CAMTA2: variants seen among roughly 807,000 people sequenced by gnomAD.
CAMTA2 encodes the protein calmodulin-binding transcription activator 2.
Under a neutral mutation model 135.7 loss-of-function variants are expected in CAMTA2, and 56 were observed. The observed-to-expected ratio is 0.41, with a 90% CI of 0.33 to 0.52. The LOEUF (loss-of-function observed/expected upper bound fraction) is 0.52, where lower values mean the gene tolerates loss of function less well. CAMTA2 is among the 20% of genes least tolerant of loss of function. The pLI, the probability that CAMTA2 is intolerant of heterozygous loss-of-function variation, is 0.16. For synonymous variants in CAMTA2, 591 were observed against 604.6 expected (o/e 0.98, Z 0.33); for missense variants, 1,358 against 1,553.4 (o/e 0.87, Z 2.11).
chr17:4,974,566 G>A (rs1021212652), intron 11 of CAMTA2, 66 bp from the exon 12 acceptor site: 15 of 927,626 alleles, frequency 1.6e-5, no homozygotes, highest in Non-Finnish European at 2.3e-5. Context: ...ACCAAAAGTA[G>A]ACCTGTCCCA....
chr17:4,987,003 A>G, intron 1 of CAMTA2: 1 of 1,455,692 alleles, frequency 6.9e-7, no homozygotes, highest in Non-Finnish European at 9.0e-7. Context: ...TCCTCGGGGA[A>G]CAGATGGGAG....
Position 4,972,438 on chromosome 17 carries a change from G to A in CAMTA2, c.2602C>T (p.Pro868Ser). The change falls in exon 16 of 23, where the codon CCT becomes TCT. Residue 868 changes from proline (P) to serine (S), a missense_variant. Pro to Ser is a moderately conservative substitution (Grantham distance 74). Transcript: ENST00000348066. The stretch of plus-strand genomic sequence containing the variant: ...ATAGTCATCTCAGAGGCTGGCAGAG[G>A]TGCAGGGGGGGGACTGCCATCTGGG... ...SAPDGSPPPA[P>S]LPASEMTMED... The A allele has an allele frequency of 6.2e-7, 1 of 1,613,940 alleles. No homozygotes were observed.
intron 1 of CAMTA2, chr17:4,987,096 T>C: frequency 1.5e-6 from 2 of 1,378,820 alleles, no homozygotes; most frequent in Non-Finnish European, 1.9e-6. Flanking sequence ...CTATGTGCAG[T>C]GAAGCTGGGG....
rs1401432189 is a variant in CAMTA2, at chr17:4,972,921, C to G, written c.2351G>C (p.Ser784Thr). 1.2e-6 allele frequency: 2 copies of G among 1,613,848 alleles called. No homozygotes were observed. The highest frequency in any genetic ancestry group is 1.7e-6 in the Non-Finnish European group (2 of 1,180,016). Residue 784 changes from serine (S) to threonine (T), a missense_variant, in exon 15 of 23, where the codon AGC (serine) becomes ACC (threonine). Physicochemically the swap from Ser to Thr is moderately conservative, Grantham distance 58 (BLOSUM62 1). Around this residue, in one of 4 missense-constraint regions of CAMTA2, gnomAD observed 1,077 missense variants for 1,127.5 expected, o/e 0.96. Transcript: ENST00000348066. Reference sequence around the variant, plus strand: ...CAGACGGCCCAGAGAGTCGGGAATGCTCAGTGCCTGTCGGTTCCAACGGAA... The same window carrying G: ...CAGACGGCCCAGAGAGTCGGGAATGGTCAGTGCCTGTCGGTTCCAACGGAA... ...LLFRWNRQAL[S>T]IPDSLGRLPL... is the part of the protein sequence containing the mutation.
Position 4,969,677 on chromosome 17 carries a change from C to T in CAMTA2, c.3214G>A (p.Glu1072Lys). 1 of 1,613,966 alleles carries T rather than the reference C, an allele frequency of 6.2e-7. No homozygotes were observed. Reference protein sequence around the residue: ...YKGRRLKEQQEVAAAVIQRCY... With the variant: ...YKGRRLKEQQKVAAAVIQRCY... ...CGCTGGATTACAGCTGCTGCTACCT[C>T]CTGCTGCTCCTTCAGCCGCCGGCCC... Residue 1072 changes from glutamate (E) to lysine (K), a missense_variant, in exon 19 of 23, where the codon GAG becomes AAG. Physicochemically the swap from Glu to Lys is moderately conservative, Grantham distance 56. Transcript: ENST00000348066. This position sits in a 1 kb window ranked among gnomAD's most constrained non-coding sequence, Gnocchi z 5.6.
chr17:4,984,095 C>T (rs528799112), intron 3 of CAMTA2, among the ~76,000 whole-genome samples: 7 of 152,182 alleles, frequency 4.6e-5, no homozygotes, highest in African/African-American at 1.4e-4. Context: ...GGACTACAGG[C>T]GCCCACGACC....
At chr17:4,981,421 T>G in intron 7 of CAMTA2, 62 bp from the exon 8 acceptor site, 2 of 1,589,370 alleles carry the variant, frequency 1.3e-6, no homozygotes, top group Non-Finnish European at 8.6e-7. Flanking sequence ...AGTACCTTGA[T>G]GGCTCCTCCA....
Position 4,979,822 on chromosome 17 carries a change from G to A in CAMTA2, c.1500C>T (p.Pro500=), listed in dbSNP as rs1203251043. 6 of 1,613,992 alleles carry A rather than the reference G, an allele frequency of 3.7e-6. No homozygotes were observed. The highest frequency in any genetic ancestry group is 5.1e-6 in the Non-Finnish European group (6 of 1,179,996). Residue 500 remains proline, a synonymous_variant, in exon 9 of 23, where the codon CCC becomes CCT. Coordinates refer to ENST00000348066, the MANE Select transcript of CAMTA2 (RefSeq NM_015099.4). The part of the protein sequence containing the change: ...GGPVGASELE[P]FSLSSFPDLM... ...GGTCTGGGAATGATGAAAGACTGAAGGGCTCCAGTTCACTGGCCCCAACAG... is the reference window on the plus strand; with the variant it reads ...GGTCTGGGAATGATGAAAGACTGAAAGGCTCCAGTTCACTGGCCCCAACAG...
chr17:4,986,141 G>A (rs1246320335), intron 2 of CAMTA2, 51 bp downstream of exon 2: 2 of 1,186,958 alleles, frequency 1.7e-6, no homozygotes, highest in Non-Finnish European at 2.5e-6. Context: ...ACTAAAGCGT[G>A]GGGAGAACGA....
chr17:4,971,876 A>G (rs1203758552), intron 16 of CAMTA2, among the ~76,000 whole-genome samples: 3 of 151,912 alleles, frequency 2.0e-5, no homozygotes, highest in East Asian at 1.9e-4. Context: ...TCTTGTAGAG[A>G]GGGGGTTTCG....
At chr17:4,981,465 T>C in intron 7 of CAMTA2, 106 bp from the exon 8 acceptor site, 1 of 1,479,060 alleles carries the variant, frequency 6.8e-7, no homozygotes, top group Middle Eastern at 1.9e-4. Context: ...TCTGGCCAGG[T>C]GAACAGAGGC....
chr17:4,973,767 A>C lies in CAMTA2; in HGVS notation c.2019T>G (p.Asp673Glu). ...CQGPDAPPVQ[D>E]EGQGPGFEAR... Reference sequence around the variant, plus strand: ...CTTCGAACCCAGGCCCCTGGCCTTCATCCTGCGATATACACACTCTTAGGC... The same window carrying C: ...CTTCGAACCCAGGCCCCTGGCCTTCCTCCTGCGATATACACACTCTTAGGC... Residue 673 changes from aspartate (D) to glutamate (E), a missense_variant and splice_region_variant, in exon 13 of 23, where the codon GAT (aspartate) becomes GAG (glutamate). Coordinates refer to ENST00000348066, the MANE Select transcript of CAMTA2 (RefSeq NM_015099.4). The C allele has an allele frequency of 6.2e-7, 1 of 1,604,988 alleles. No individual in the cohort carries two copies. Among genetic ancestry groups the C allele is most frequent in the South Asian group, 1.1e-5 (1 of 90,136 alleles).
Position 4,980,628 on chromosome 17 carries a change from T to G in CAMTA2, c.701-7A>C. On this transcript the variant is annotated splice_polypyrimidine_tract_variant and splice_region_variant and intron_variant, in intron 8 of 22. Transcript: ENST00000348066. The surrounding 1 kb of genome is among the most constrained non-coding windows in gnomAD (Gnocchi z 5.3). ...TGGGTAAGGCTCCCAGAACCTGGAG[T>G]GGAGAGGAGTAGGAGGGAGAGGAGA... 6.2e-7 allele frequency: 1 copy of G among 1,610,286 alleles called. No individual in the cohort carries two copies. Among genetic ancestry groups the G allele is most frequent in the South Asian group, 1.1e-5 (1 of 90,942 alleles).
chr17:4,968,077 C>T lies in CAMTA2; in HGVS notation c.*679G>A, dbSNP rs1972022606. 4 of 503,332 alleles carry T rather than the reference C, an allele frequency of 7.9e-6. No individual in the cohort carries two copies. The highest frequency in any genetic ancestry group is 7.5e-5 in the Admixed American group (2 of 26,840). The allele number at this position is 503,332 out of a possible 1,614,324, so 31.2% of individuals were successfully genotyped here. On this transcript the variant is annotated 3_prime_UTR_variant, in exon 23 of 23. Coordinates refer to ENST00000348066, the MANE Select transcript of CAMTA2 (RefSeq NM_015099.4). ...AAGTGCCCGTGGAGCCGGCAGGAGG[C>T]CCCCGCCGCGCTAGAGAACCACAAG...
chr17:4,981,170 G>A lies in CAMTA2; in HGVS notation c.700+55C>T, dbSNP rs575078354. 1,187 of 1,594,260 alleles carry A rather than the reference G, an allele frequency of 7.4e-4. 1 individual carries two copies. The highest frequency in any genetic ancestry group is 9.3e-4 in the Non-Finnish European group (1,082 of 1,168,854). ...CAAGATGGATATCCCCCTGGCTTGCGTAAGAGCAGTGTGGCTAGGTGGGAA... is the reference window on the plus strand; with the variant it reads ...CAAGATGGATATCCCCCTGGCTTGCATAAGAGCAGTGTGGCTAGGTGGGAA... On this transcript the variant is annotated intron_variant, in intron 8 of 22. Transcript: ENST00000348066.
Position 4,968,461 on chromosome 17 carries a change from G to C in CAMTA2, c.*295C>G, listed in dbSNP as rs1221138432. 3 of 541,772 alleles carry C rather than the reference G, an allele frequency of 5.5e-6. No homozygotes were observed. The highest frequency in any genetic ancestry group is 9.9e-6 in the Non-Finnish European group (3 of 302,182). The allele number at this position is 541,772 out of a possible 1,614,324, so 33.6% of individuals were successfully genotyped here. On this transcript the variant is annotated 3_prime_UTR_variant, in exon 23 of 23. Coordinates refer to ENST00000348066, the MANE Select transcript of CAMTA2 (RefSeq NM_015099.4). Reference sequence around the variant, plus strand: ...CAGGAGGGGGCCGAGTCGGGTGCAGGCAGGAGGAGCTGGGGAGCAGGGGCA... The same window carrying C: ...CAGGAGGGGGCCGAGTCGGGTGCAGCCAGGAGGAGCTGGGGAGCAGGGGCA...
intron 3 of CAMTA2, among the ~76,000 whole-genome samples, chr17:4,984,948 C>T (rs1233761296): frequency 6.6e-6 from 1 of 150,992 alleles, no homozygotes; most frequent in Admixed American, 6.7e-5. Context: ...ACCTGGGAGG[C>T]AGAGCTTGCA....
intron 3 of CAMTA2, among the ~76,000 whole-genome samples, chr17:4,985,006 G>T (rs1299580837): frequency 1.5e-5 from 2 of 135,166 alleles, no homozygotes; most frequent in African/African-American, 5.5e-5. Flanking sequence ...GACAGAGCGA[G>T]ACTCCATCTC....
intron 2 of CAMTA2, 51 bp downstream of exon 2, chr17:4,986,141 G>T: frequency 8.4e-7 from 1 of 1,186,956 alleles, no homozygotes; most frequent in Non-Finnish European, 1.3e-6. Context: ...ACTAAAGCGT[G>T]GGGAGAACGA....
Sources: allele counts gnomAD v4.1 joint callset (sites outside exome capture counted in the v4.1 genomes callset), GRCh38; gene constraint gnomAD v4.1.1; regional missense constraint gnomAD v4.1.1; non-coding constraint Gnocchi (gnomAD v3.1); transcripts MANE v1.5; gene names NCBI Gene and HGNC (gene_info 2026-07-23, HGNC 2026-07-21).